The following RB1 variants were observed in gnomAD, a reference collection of about 807,000 sequenced individuals.
The protein encoded by RB1 is RB transcriptional corepressor 1, also known as retinoblastoma-associated protein.
RB1 carries 18 observed loss-of-function variants against 135.4 expected under a neutral mutation model. That is an observed-to-expected ratio of 0.13 (90% confidence interval 0.09 to 0.20). The LOEUF is 0.20. Ranked by LOEUF, RB1 falls within the 10% of genes least tolerant of loss-of-function variation. The pLI is 1.00. For synonymous variants in RB1, 365 were observed against 373.2 expected, an observed-to-expected ratio of 0.98 and a Z score of 0.25; for missense variants, 868 against 1,110.0, an observed-to-expected ratio of 0.78 and a Z score of 3.10.
chr13:48,320,370 G>A, intron 2 of RB1: 1 of 1,224,448 alleles, frequency 8.2e-7, no homozygotes, highest in Non-Finnish European at 1.2e-6. Flanking sequence ...CCACCCCCTC[G>A]TCAGCCTCCG....
At chr13:48,316,087 A>G (rs1182719669) in intron 2 of RB1, among the ~76,000 whole-genome samples, 1 of 152,182 alleles carries the variant, frequency 6.6e-6, no homozygotes, top group Non-Finnish European at 1.5e-5. Context: ...GAAAGATTGG[A>G]CATGAATCCA....
chr13:48,439,619 C>T (rs1949216818), intron 17 of RB1: 2 of 152,152 alleles, frequency 1.3e-5, no homozygotes, highest in African/African-American at 4.8e-5. Context: ...CGTATCATCA[C>T]TTTAGCCCAA....
chr13:48,307,823 A>G (rs939359558), intron 2 of RB1, among the ~76,000 whole-genome samples: 1 of 151,506 alleles, frequency 6.6e-6, no homozygotes, highest in African/African-American at 2.4e-5. Context: ...AGATCGTGCC[A>G]CTGCACTCCA....
chr13:48,391,423 G>A (rs1948609557), intron 17 of RB1: 1 of 151,944 alleles, frequency 6.6e-6, no homozygotes, highest in South Asian at 2.1e-4. Flanking sequence ...TTCATTCCTT[G>A]TGTAGATCCA....
chr13:48,340,697 C>T (rs1952435692), intron 2 of RB1: 1 of 174,094 alleles, frequency 5.7e-6, no homozygotes, highest in Non-Finnish European at 1.2e-5. Flanking sequence ...AATTTAAAGA[C>T]TATGGTAGTT....
At chr13:48,318,590 A>G (rs1952206248) in intron 2 of RB1, 1 of 614,024 alleles carries the variant, frequency 1.6e-6, no homozygotes, top group Admixed American at 2.9e-5. Context: ...CCCGCCCCTC[A>G]TGGCCGGGCA....
At chr13:48,381,038 C>T (rs1326861274) in intron 16 of RB1, among the ~76,000 whole-genome samples, 2 of 152,088 alleles carry the variant, frequency 1.3e-5, no homozygotes, top group African/African-American at 4.8e-5. Flanking sequence ...GCTATAAGTC[C>T]TTTCTCTAGG....
intron 17 of RB1, among the ~76,000 whole-genome samples, chr13:48,450,216 G>A (rs747431699): frequency 5.9e-5 from 9 of 151,702 alleles, no homozygotes; most frequent in South Asian, 2.1e-4. Context: ...CCTATGTCCC[G>A]AATGGTATTG....
At chr13:48,392,439 T>C (rs531134105) in intron 17 of RB1, among the ~76,000 whole-genome samples, 2 of 152,314 alleles carry the variant, frequency 1.3e-5, no homozygotes, top group South Asian at 4.1e-4. Context: ...ATCTTTTTCC[T>C]GCAGGTTTTT....
chr13:48,330,563 GAGAC>G (rs1293055964), intron 2 of RB1, among the ~76,000 whole-genome samples: 1 of 152,094 alleles, frequency 6.6e-6, no homozygotes, highest in African/African-American at 2.4e-5. Context: ...TGACCTGAAA[GAGAC>G]AGATTGTTTG....
intron 14 of RB1, 42 bp from the exon 15 acceptor site, chr13:48,380,011 A>T: frequency 1.7e-6 from 2 of 1,187,576 alleles, no homozygotes; most frequent in South Asian, 3.1e-5. Flanking sequence ...TAAGGTTTCA[A>T]TTAAACAACT....
At chr13:48,475,804 A>C (rs1473825169) in intron 24 of RB1, among the ~76,000 whole-genome samples, 2 of 152,154 alleles carry the variant, frequency 1.3e-5, no homozygotes, top group African/African-American at 4.8e-5. Context: ...AGATGACCAA[A>C]TATTAAAATG....
intron 9 of RB1, among the ~76,000 whole-genome samples, chr13:48,366,234 CT>C (rs1235888866): frequency 1.3e-5 from 2 of 152,082 alleles, no homozygotes; most frequent in Non-Finnish European, 2.9e-5. Flanking sequence ...TTGTAGCAAT[CT>C]TTTTTTCTCC....
chr13:48,448,433 C>T (rs1949304344), intron 17 of RB1, among the ~76,000 whole-genome samples: 2 of 152,178 alleles, frequency 1.3e-5, no homozygotes, highest in South Asian at 4.1e-4. Context: ...AACTCATGCT[C>T]ACCATCTCCA....
chr13:48,383,926 A>T (rs1226750284), intron 17 of RB1, among the ~76,000 whole-genome samples: 1 of 152,132 alleles, frequency 6.6e-6, no homozygotes, highest in East Asian at 1.9e-4. Flanking sequence ...TATTTCTATC[A>T]ACACATATTT....
chr13:48,414,099 GCA>G (rs1948865923), intron 17 of RB1, among the ~76,000 whole-genome samples: 1 of 152,122 alleles, frequency 6.6e-6, no homozygotes, highest in South Asian at 2.1e-4. Context: ...TATAATCCCA[GCA>G]CTTTGGAAGG....
intron 17 of RB1, among the ~76,000 whole-genome samples, chr13:48,395,293 A>AACCAGC (rs1948639193): frequency 6.6e-6 from 1 of 152,168 alleles, no homozygotes; most frequent in Non-Finnish European, 1.5e-5. Context: ...GATGAGGAAA[A>AACCAGC]ACCAGCACAA....
chr13:48,364,751 TAATAAAA>T, intron 8 of RB1, 136 bp from the exon 9 acceptor site: 4 of 947,004 alleles, frequency 4.2e-6, no homozygotes, highest in East Asian at 3.1e-5. Flanking sequence ...TCTAAGAAAA[TAATAAAA>T]AATAAAAAAG....
At chr13:48,327,948 C>T (rs1952301855) in intron 2 of RB1, 1 of 510,048 alleles carries the variant, frequency 2.0e-6, no homozygotes, top group Non-Finnish European at 3.5e-6. Flanking sequence ...TATTGGTGTA[C>T]CACTCAATCT....
Sources: gnomAD v4.1 joint callset for allele counts (sites outside exome capture counted in the v4.1 genomes callset) on GRCh38, gnomAD v4.1.1 for gene constraint, MANE v1.5 for transcripts, NCBI Gene and HGNC (gene_info 2026-07-23, HGNC 2026-07-21) for gene names.